The following PLD1 variants were observed in gnomAD, a reference collection of about 807,000 sequenced individuals.
The protein encoded by PLD1 is phospholipase D1, also known as choline phosphatase 1.
In PLD1, 112 loss-of-function variants were observed where a neutral mutation model predicts 137.1. The observed-to-expected ratio is 0.82, with a 90% CI of 0.70 to 0.96. The LOEUF (loss-of-function observed/expected upper bound fraction) is 0.96. Among genes scored for constraint, PLD1 ranks in the 40% least tolerant of loss-of-function variants. The probability of loss-of-function intolerance (pLI) is 0.00; values close to 1 mark genes in which losing one functional copy is unlikely to be tolerated. For synonymous variants in PLD1, 431 were observed against 454.7 expected, an observed-to-expected ratio of 0.95 and a Z score of 0.66; for missense variants, 1,321 against 1,342.0, an observed-to-expected ratio of 0.98 and a Z score of 0.24.
intron 17 of PLD1, among the ~76,000 whole-genome samples, 178 bp downstream of exon 17, chr3:171,677,387 GA>G (rs1171734991): frequency 2.6e-5 from 4 of 151,390 alleles, no homozygotes; most frequent in South Asian, 2.1e-4. Flanking sequence ...TATTATAACT[GA>G]AAAAAAAGTC....
At chr3:171,605,671 T>C (rs949547336) in intron 25 of PLD1, among the ~76,000 whole-genome samples, 28 of 152,152 alleles carry the variant, frequency 1.8e-4, no homozygotes, top group African/African-American at 6.8e-4. Context: ...GAAGTGATAT[T>C]TGAAAATTAT....
At chr3:171,673,085 T>A (rs1399052825) in intron 19 of PLD1, among the ~76,000 whole-genome samples, 1 of 152,264 alleles carries the variant, frequency 6.6e-6, no homozygotes, top group Non-Finnish European at 1.5e-5. Flanking sequence ...ATTCTTATTT[T>A]CCTAATAACA....
At chr3:171,760,263 T>C (rs1721306123) in intron 1 of PLD1, among the ~76,000 whole-genome samples, 1 of 152,220 alleles carries the variant, frequency 6.6e-6, no homozygotes, top group South Asian at 2.1e-4. Flanking sequence ...GCAGGTGGTT[T>C]CTTTTCCTTA....
chr3:171,726,119 T>A, intron 6 of PLD1, 43 bp from the exon 7 acceptor site: 1 of 1,331,028 alleles, frequency 7.5e-7, no homozygotes, highest in Non-Finnish European at 1.1e-6. Context: ...GCAAAACAAT[T>A]CAAATTTATG....
chr3:171,609,004 C>T (rs1732431593), intron 25 of PLD1, among the ~76,000 whole-genome samples: 1 of 151,980 alleles, frequency 6.6e-6, no homozygotes, highest in South Asian at 2.1e-4. Context: ...GAATAAGCAT[C>T]CTACACATAT....
In PLD1 at chr3:171,713,965, T is replaced by C; in HGVS notation, c.839A>G (p.Lys280Arg). 1 of 1,612,492 alleles carries C rather than the reference T, an allele frequency of 6.2e-7. No individual in the cohort carries two copies. The highest frequency in any genetic ancestry group is 8.5e-7 in the Non-Finnish European group (1 of 1,178,450). Reference sequence around the variant, plus strand: ...CTTCCCCACCTTAATTTTGAATTCTTTGTCTACCAGCAGGACGAAGGCAAT... The same window carrying C: ...CTTCCCCACCTTAATTTTGAATTCTCTGTCTACCAGCAGGACGAAGGCAAT... The part of the protein sequence containing the change: ...GAIAFVLLVD[K>R]EFKIKVGKKE... Residue 280 changes from lysine (K) to arginine (R), a missense_variant, in exon 9 of 27, where the codon AAA becomes AGA. Physicochemically the swap from Lys to Arg is conservative, Grantham distance 26. Transcript: ENST00000351298.
chr3:171,701,170 A>G (rs1716205468), intron 11 of PLD1, among the ~76,000 whole-genome samples: 1 of 152,238 alleles, frequency 6.6e-6, no homozygotes, highest in Admixed American at 6.5e-5. Flanking sequence ...AGGAAACGTT[A>G]TTGGGTAAAA....
intron 23 of PLD1, among the ~76,000 whole-genome samples, chr3:171,628,271 T>C (rs1185677458): frequency 6.6e-6 from 1 of 152,138 alleles, no homozygotes; most frequent in African/African-American, 2.4e-5. Context: ...AAGAAATGGA[T>C]AAATTCCTCA....
At chr3:171,622,703 G>T (rs948239502) in intron 23 of PLD1, among the ~76,000 whole-genome samples, 2 of 150,336 alleles carry the variant, frequency 1.3e-5, no homozygotes, top group Admixed American at 6.6e-5. Context: ...ATTTAATATT[G>T]CCTTGGAAGT....
chr3:171,679,329 T>C (rs1365654131), intron 16 of PLD1, among the ~76,000 whole-genome samples: 1 of 152,216 alleles, frequency 6.6e-6, no homozygotes, highest in South Asian at 2.1e-4. Context: ...ATTAGCAAAA[T>C]GAAATCATGT....
chr3:171,756,728 C>T (rs1447260159), intron 1 of PLD1, among the ~76,000 whole-genome samples: 1 of 152,132 alleles, frequency 6.6e-6, no homozygotes, highest in Non-Finnish European at 1.5e-5. Context: ...TGTTATGGTA[C>T]TTACATCTGC....
intron 23 of PLD1, among the ~76,000 whole-genome samples, chr3:171,636,544 G>A (rs1368339555): frequency 6.6e-6 from 1 of 151,610 alleles, no homozygotes; most frequent in Non-Finnish European, 1.5e-5. Flanking sequence ...AAATCGAATT[G>A]TTTTCTTAAT....
intron 24 of PLD1, among the ~76,000 whole-genome samples, chr3:171,618,439 T>C (rs1158914435): frequency 2.6e-5 from 4 of 152,232 alleles, no homozygotes; most frequent in African/African-American, 9.6e-5. Context: ...CTTCAAGGCT[T>C]CTGAAATCTT....
intron 23 of PLD1, among the ~76,000 whole-genome samples, chr3:171,633,694 A>G (rs1734873093): frequency 6.6e-6 from 1 of 152,184 alleles, no homozygotes; most frequent in South Asian, 2.1e-4. Flanking sequence ...AATTTCGTGA[A>G]AGGACATCAA....
At chr3:171,638,342 T>G (rs1735334420) in intron 23 of PLD1, among the ~76,000 whole-genome samples, 1 of 152,162 alleles carries the variant, frequency 6.6e-6, no homozygotes, top group Admixed American at 6.6e-5. Context: ...TACATTAAAT[T>G]TTTAAATTTA....
chr3:171,640,801 T>C (rs1404584275), intron 23 of PLD1, among the ~76,000 whole-genome samples: 1 of 152,206 alleles, frequency 6.6e-6, no homozygotes, highest in Non-Finnish European at 1.5e-5. Context: ...CAGGGATATG[T>C]TGGAAGTTTC....
intron 25 of PLD1, among the ~76,000 whole-genome samples, chr3:171,607,833 T>C (rs1242295920): frequency 1.3e-5 from 2 of 152,198 alleles, no homozygotes; most frequent in Non-Finnish European, 2.9e-5. Flanking sequence ...GTTCAGCTTA[T>C]AGCTGTGAAA....
intron 12 of PLD1, among the ~76,000 whole-genome samples, chr3:171,696,026 G>A (rs1002485814): frequency 1.6e-4 from 24 of 152,056 alleles, no homozygotes; most frequent in African/African-American, 5.3e-4. Flanking sequence ...TCTGTGTAGA[G>A]ATGTGATTAT....
rs575657792 is a variant in PLD1 at position 171,690,912 on chromosome 3, T to C, written c.1338+1420A>G. ...TCTGTCTGGTTGCTCTAACCATTACTGAGAGTGAGATGTTGAAGTCTCCAA... is the reference window on the plus strand; with the variant it reads ...TCTGTCTGGTTGCTCTAACCATTACCGAGAGTGAGATGTTGAAGTCTCCAA... On this transcript the variant is annotated intron_variant, in intron 13 of 26. Transcript: ENST00000351298. 9.8e-5 allele frequency among the ~76,000 whole-genome samples: 15 copies of C among 152,360 alleles called. No homozygotes were observed. The East Asian group carries it at 2.7e-3, about 27-fold the overall frequency.
Sources: allele counts gnomAD v4.1 joint callset (sites outside exome capture counted in the v4.1 genomes callset), GRCh38; gene constraint gnomAD v4.1.1; transcripts MANE v1.5; gene names NCBI Gene and HGNC (gene_info 2026-07-23, HGNC 2026-07-21).